The following UBR3 variants were observed in gnomAD, a reference collection of about 807,000 sequenced individuals.
The protein encoded by UBR3 is ubiquitin protein ligase E3 component n-recognin 3, also known as E3 ubiquitin-protein ligase UBR3.
Under a neutral mutation model 243.2 loss-of-function variants are expected in UBR3, and 85 were observed. The observed-to-expected ratio is 0.35, with a 90% CI of 0.29 to 0.42. The LOEUF is 0.42. Ranked by LOEUF, UBR3 falls within the 10% of genes least tolerant of loss-of-function variation. The pLI is 1.00. For missense variants in UBR3, 1,686 were observed against 2,300.8 expected, an observed-to-expected ratio of 0.73 and a Z score of 5.47; for synonymous variants, 748 against 799.8, an observed-to-expected ratio of 0.94 and a Z score of 1.09.
chr2:169,966,720 T>C (rs1215437013), intron 24 of UBR3, among the ~76,000 whole-genome samples: 1 of 152,192 alleles, frequency 6.6e-6, no homozygotes, highest in Non-Finnish European at 1.5e-5. Context: ...AAGGAATTTT[T>C]ATACTACCTC....
chr2:169,932,657 T>C (rs1053568840), intron 18 of UBR3, among the ~76,000 whole-genome samples: 3 of 152,194 alleles, frequency 2.0e-5, no homozygotes, highest in African/African-American at 7.2e-5. Context: ...TAAACTTTTC[T>C]GGTGAGGCAT....
intron 8 of UBR3, among the ~76,000 whole-genome samples, chr2:169,903,504 C>T (rs1423833302): frequency 6.6e-6 from 1 of 152,158 alleles, no homozygotes; most frequent in Non-Finnish European, 1.5e-5. Flanking sequence ...TTGAGTTAGA[C>T]CCTCTCTCGT....
At chr2:170,059,002 C>G (rs1473268419) in intron 33 of UBR3, among the ~76,000 whole-genome samples, 1 of 152,156 alleles carries the variant, frequency 6.6e-6, no homozygotes, top group Non-Finnish European at 1.5e-5. Context: ...TTAAATTTAA[C>G]CCACATACTT....
At chr2:169,967,161 A>G (rs1201950852) in intron 24 of UBR3, among the ~76,000 whole-genome samples, 1 of 152,100 alleles carries the variant, frequency 6.6e-6, no homozygotes, top group Admixed American at 6.6e-5. Flanking sequence ...GTGGAACAAG[A>G]GCTATTAATC....
At chr2:169,906,767 A>G (rs7600744) in intron 10 of UBR3, among the ~76,000 whole-genome samples, 148,611 of 152,128 alleles carry the variant, frequency 0.98, 72,666 homozygotes, top group East Asian at 1. Context: ...TCTAGTTTTG[A>G]CTCTGCTTCT....
chr2:170,062,321 A>G (rs1196125878), intron 35 of UBR3, among the ~76,000 whole-genome samples: 1 of 152,206 alleles, frequency 6.6e-6, no homozygotes, highest in Non-Finnish European at 1.5e-5. Context: ...AGGGAATTTG[A>G]TGTGGAAATT....
At chr2:169,880,395 A>G (rs988458182) in intron 5 of UBR3, among the ~76,000 whole-genome samples, 17 of 152,150 alleles carry the variant, frequency 1.1e-4, no homozygotes, top group African/African-American at 4.1e-4. Context: ...CTTTATTTTC[A>G]TGAATTGAAT....
chr2:169,881,427 C>T (rs2083819800), intron 5 of UBR3, among the ~76,000 whole-genome samples: 1 of 151,952 alleles, frequency 6.6e-6, no homozygotes, highest in South Asian at 2.1e-4. Context: ...GATCCGCCCA[C>T]CTTGGCCTCC....
At chr2:169,848,187 A>G (rs763062651) in intron 1 of UBR3, among the ~76,000 whole-genome samples, 11 of 152,190 alleles carry the variant, frequency 7.2e-5, no homozygotes, top group East Asian at 1.9e-4. Flanking sequence ...CTTGAAAACC[A>G]TTGGTTCATT....
At chr2:169,914,612 G>T (rs993473075) in intron 11 of UBR3, among the ~76,000 whole-genome samples, 2 of 152,172 alleles carry the variant, frequency 1.3e-5, no homozygotes, top group Admixed American at 6.5e-5. Flanking sequence ...AGAAGAGCTG[G>T]CACAGGACAT....
intron 19 of UBR3, among the ~76,000 whole-genome samples, chr2:169,933,317 G>A (rs13022455): frequency 0.42 from 64,345 of 151,994 alleles, 15,218 homozygotes; most frequent in Non-Finnish European, 0.54. Flanking sequence ...GAACCAGTAG[G>A]GGAGGCACAA....
intron 24 of UBR3, among the ~76,000 whole-genome samples, chr2:169,977,380 G>A (rs533767991): frequency 1.3e-5 from 2 of 152,226 alleles, no homozygotes; most frequent in East Asian, 1.9e-4. Flanking sequence ...TCCCATGATC[G>A]GCCATCTGCA....
rs947190216 is a variant in UBR3 at position 169,948,001 on chromosome 2, G to A, written c.3084+286G>A. The A allele has an allele frequency of 1.2e-5, 11 of 931,888 alleles. No homozygotes were observed. The South Asian group carries it at 1.5e-4, about 13-fold the overall frequency. 57.7% of individuals were successfully genotyped at this position (931,888 alleles called of 1,614,324 possible). On this transcript the variant is annotated intron_variant, in intron 22 of 38. Transcript: ENST00000272793. ...CTTTAACTGGAAATGGGGAAAAACCGCTTTGAAGTATTTGTGTGTGTATGG... is the reference window on the plus strand; with the variant it reads ...CTTTAACTGGAAATGGGGAAAAACCACTTTGAAGTATTTGTGTGTGTATGG...
chr2:169,835,441 T>A (rs985224971), intron 1 of UBR3, among the ~76,000 whole-genome samples: 1 of 152,092 alleles, frequency 6.6e-6, no homozygotes, highest in Non-Finnish European at 1.5e-5. Flanking sequence ...TATTCATATT[T>A]TGTTTGTTTG....
At chr2:169,915,850 G>C (rs1269405126) in intron 11 of UBR3, among the ~76,000 whole-genome samples, 1 of 151,954 alleles carries the variant, frequency 6.6e-6, no homozygotes, top group Non-Finnish European at 1.5e-5. Context: ...TATTCAATGG[G>C]TTATAAGCTA....
Position 170,007,141 on chromosome 2 carries a change from A to G in UBR3, c.4181A>G (p.Asp1394Gly). ...WQRPSNKSIQDLIKEVEELQG... is the reference protein window; with the variant it reads ...WQRPSNKSIQGLIKEVEELQG... Reference sequence around the variant, plus strand: ...CGTCCTAGCAACAAAAGCATACAAGATCTCATAAAGGAAGTGGAGGAGCTG... The same window carrying G: ...CGTCCTAGCAACAAAAGCATACAAGGTCTCATAAAGGAAGTGGAGGAGCTG... Residue 1394 changes from aspartate (D) to glycine (G), a missense_variant, in exon 28 of 39, where the codon GAT becomes GGT. Asp to Gly is a moderately conservative substitution (Grantham distance 94). Transcript: ENST00000272793. The G allele has an allele frequency of 1.9e-6, 3 of 1,612,946 alleles. No individual in the cohort carries two copies. Among genetic ancestry groups the G allele is most frequent in the Non-Finnish European group, 2.5e-6 (3 of 1,179,578 alleles).
Position 169,965,568 on chromosome 2 carries a change from C to G in UBR3, c.3634+7042C>G, listed in dbSNP as rs534626660. On this transcript the variant is annotated intron_variant, in intron 24 of 38. Coordinates refer to ENST00000272793, the MANE Select transcript of UBR3 (RefSeq NM_172070.4). ...ACAACAGTATGCCAGCATCACTGCT[C>G]TTATACTTTGGGGCCATTATTAAGT... Among the ~76,000 whole-genome samples the G allele has an allele frequency of 8.5e-5, 13 of 152,146 alleles. No individual in the cohort carries two copies. The South Asian group carries it at 2.1e-3, about 24-fold the overall frequency.
At chr2:169,850,171 C>CTTT (rs56133731) in intron 1 of UBR3, among the ~76,000 whole-genome samples, 31 of 57,292 alleles carry the variant, frequency 5.4e-4, no homozygotes, top group African/African-American at 1.7e-3. Context: ...TGTTCTAGAG[C>CTTT]TTTTTTTTTT....
At chr2:169,985,914 C>G (rs2088979884) in intron 24 of UBR3, among the ~76,000 whole-genome samples, 1 of 152,182 alleles carries the variant, frequency 6.6e-6, no homozygotes, top group South Asian at 2.1e-4. Flanking sequence ...ACTTCTGCTT[C>G]CCTGTTCTTC....
Sources: allele counts gnomAD v4.1 joint callset (sites outside exome capture counted in the v4.1 genomes callset), GRCh38; gene constraint gnomAD v4.1.1; transcripts MANE v1.5; gene names NCBI Gene and HGNC (gene_info 2026-07-23, HGNC 2026-07-21).